TSPAN18: variants seen among roughly 807,000 people sequenced by gnomAD.
TSPAN18 encodes tetraspanin-18.
In TSPAN18, 14 loss-of-function variants were observed where a neutral mutation model predicts 27.3. The observed-to-expected ratio is 0.51, with a 90% CI of 0.34 to 0.80. The LOEUF (loss-of-function observed/expected upper bound fraction) is 0.80, where lower values mean the gene tolerates loss of function less well. Among genes scored for constraint, TSPAN18 ranks in the 30% least tolerant of loss-of-function variants. The probability of loss-of-function intolerance (pLI) is 0.01; values close to 1 mark genes in which losing one functional copy is unlikely to be tolerated. For missense variants in TSPAN18, 268 were observed against 323.9 expected, an observed-to-expected ratio of 0.83 and a Z score of 1.32; for synonymous variants, 143 against 136.5, an observed-to-expected ratio of 1.05 and a Z score of -0.33.
intron 3 of TSPAN18, among the ~76,000 whole-genome samples, chr11:44,877,328 G>A (rs1035105829): frequency 1.3e-5 from 2 of 152,216 alleles, no homozygotes; most frequent in African/African-American, 4.8e-5. Flanking sequence ...ACATTGGGTG[G>A]GGTTGGGCAG....
At chr11:44,848,030 T>A (rs1857520734) in intron 2 of TSPAN18, among the ~76,000 whole-genome samples, 2 of 152,164 alleles carry the variant, frequency 1.3e-5, no homozygotes. Context: ...AGATAGGGGT[T>A]TCACCATGTT....
intron 4 of TSPAN18, among the ~76,000 whole-genome samples, chr11:44,908,798 A>AG (rs1859582177): frequency 1.7e-5 from 2 of 116,550 alleles, no homozygotes; most frequent in East Asian, 2.2e-4. Flanking sequence ...AAAGAAAGAA[A>AG]GAAAGAAAGA....
intron 3 of TSPAN18, among the ~76,000 whole-genome samples, chr11:44,864,016 C>T (rs901302521): frequency 1.3e-5 from 2 of 152,042 alleles, no homozygotes; most frequent in Non-Finnish European, 2.9e-5. Flanking sequence ...GGACCGGGCA[C>T]GGTGGTTCAT....
At chr11:44,794,996 C>T (rs1856315565) in intron 2 of TSPAN18, among the ~76,000 whole-genome samples, 2 of 152,026 alleles carry the variant, frequency 1.3e-5, no homozygotes, top group South Asian at 4.2e-4. Flanking sequence ...AAGAGGGGGT[C>T]CTCACTGGCT....
intron 2 of TSPAN18, among the ~76,000 whole-genome samples, chr11:44,829,477 A>G (rs976927654): frequency 1.3e-5 from 2 of 152,218 alleles, no homozygotes; most frequent in Non-Finnish European, 2.9e-5. Flanking sequence ...ACTAAGCAAT[A>G]TGCATTTAAG....
At chr11:44,901,521 G>T (rs1464491711) in intron 3 of TSPAN18, among the ~76,000 whole-genome samples, 3 of 152,350 alleles carry the variant, frequency 2.0e-5, no homozygotes, top group Non-Finnish European at 2.9e-5. Context: ...TGTTGTGGCT[G>T]CTCTGCCTCC....
At chr11:44,751,926 C>CAA (rs374635775) in intron 1 of TSPAN18, among the ~76,000 whole-genome samples, 4 of 117,700 alleles carry the variant, frequency 3.4e-5, no homozygotes, top group East Asian at 2.4e-4. Context: ...GACTCCATCT[C>CAA]AAAAAAAAAA....
At chr11:44,795,835 G>T (rs1856337354) in intron 2 of TSPAN18, among the ~76,000 whole-genome samples, 1 of 152,058 alleles carries the variant, frequency 6.6e-6, no homozygotes, top group South Asian at 2.1e-4. Context: ...CCCACTGCCG[G>T]CTGGCACCAA....
At chr11:44,910,917 G>T (rs1840803636) in intron 5 of TSPAN18, among the ~76,000 whole-genome samples, 1 of 152,202 alleles carries the variant, frequency 6.6e-6, no homozygotes, top group Admixed American at 6.5e-5. Context: ...TCCCAGAGCA[G>T]CCATGTCTTC....
rs543775960 is a variant in TSPAN18, at chr11:44,844,645, C to T, written c.-152-15683C>T. Among the ~76,000 whole-genome samples, 5 of 152,244 alleles carry T rather than the reference C, an allele frequency of 3.3e-5. No homozygotes were observed. In the South Asian group the frequency reaches 8.3e-4, roughly 25 times the overall value. On this transcript the variant is annotated intron_variant, in intron 2 of 9. Transcript: ENST00000520358. Reference sequence around the variant, plus strand: ...TTTGGATTGCTTCTTTTGGAAAGTGCCTAAGTCTTTGGCACAATTTTAAAC... The same window carrying T: ...TTTGGATTGCTTCTTTTGGAAAGTGTCTAAGTCTTTGGCACAATTTTAAAC...
intron 2 of TSPAN18, among the ~76,000 whole-genome samples, chr11:44,768,300 T>C (rs1855614820): frequency 6.6e-6 from 1 of 152,244 alleles, no homozygotes; most frequent in African/African-American, 2.4e-5. Context: ...GTTTTCCTCA[T>C]ACAGATCTTA....
chr11:44,909,543 G>T, intron 4 of TSPAN18, 162 bp from the exon 5 acceptor site: 1 of 646,522 alleles, frequency 1.5e-6, no homozygotes, highest in Non-Finnish European at 2.6e-6. Context: ...TTCAAGGTGC[G>T]GCTGGGACTC....
intron 2 of TSPAN18, among the ~76,000 whole-genome samples, chr11:44,828,234 T>G (rs530141107): frequency 2.1e-4 from 32 of 152,270 alleles, no homozygotes; most frequent in African/African-American, 7.7e-4. Flanking sequence ...AATCTAGCTT[T>G]GAAATCTTCA....
At chr11:44,840,034 C>T (rs968717840) in intron 2 of TSPAN18, among the ~76,000 whole-genome samples, 2 of 152,230 alleles carry the variant, frequency 1.3e-5, no homozygotes, top group Non-Finnish European at 2.9e-5. Context: ...CAGGAGTGAG[C>T]ATCATCCTAA....
At position 44,835,976 on chromosome 11, in the gene TSPAN18, C is replaced by A. The variant is rs561704631; in HGVS notation, c.-152-24352C>A. ...TGCTATATGTGTTCTGACTGCTGAACCCACCGGCCATTCCCCTGTCTCTCT... is the reference window on the plus strand; with the variant it reads ...TGCTATATGTGTTCTGACTGCTGAAACCACCGGCCATTCCCCTGTCTCTCT... On this transcript the variant is annotated intron_variant, in intron 2 of 9. Coordinates refer to ENST00000520358, the MANE Select transcript of TSPAN18 (RefSeq NM_130783.5). Among the ~76,000 whole-genome samples, 39 of 152,270 alleles carry A rather than the reference C, an allele frequency of 2.6e-4. 1 individual carries two copies. The South Asian group carries it at 7.3e-3, about 28-fold the overall frequency.
chr11:44,888,622 G>A (rs1017603839), intron 3 of TSPAN18, among the ~76,000 whole-genome samples: 2 of 152,166 alleles, frequency 1.3e-5, no homozygotes, highest in African/African-American at 4.8e-5. Context: ...AGGTTGCCTG[G>A]TGTGTGGCCA....
chr11:44,878,007 G>A (rs115354742), intron 3 of TSPAN18, among the ~76,000 whole-genome samples: 1,726 of 151,712 alleles, frequency 0.011, 27 homozygotes, highest in African/African-American at 0.039. Flanking sequence ...ACAGACACAC[G>A]CACACACAGA....
At chr11:44,924,787 A>G (rs10742734) in intron 8 of TSPAN18, among the ~76,000 whole-genome samples, 39,696 of 151,328 alleles carry the variant, frequency 0.26, 7,301 homozygotes, top group African/African-American at 0.52. Context: ...AGATATACCT[A>G]ATGTAAATGA....
intron 2 of TSPAN18, among the ~76,000 whole-genome samples, chr11:44,784,309 G>A (rs764030703): frequency 4.6e-5 from 7 of 152,140 alleles, no homozygotes; most frequent in African/African-American, 1.7e-4. Context: ...CTGTACCAGC[G>A]TATGTCAGCA....
Sources: gnomAD v4.1 joint callset for allele counts (sites outside exome capture counted in the v4.1 genomes callset) on GRCh38, gnomAD v4.1.1 for gene constraint, MANE v1.5 for transcripts, NCBI Gene and HGNC (gene_info 2026-07-23, HGNC 2026-07-21) for gene names.